The following SH3RF3 variants were observed in gnomAD, a reference collection of about 807,000 sequenced individuals.
SH3RF3 encodes E3 ubiquitin-protein ligase SH3RF3.
SH3RF3 carries 29 observed loss-of-function variants against 66.3 expected under a neutral mutation model. The observed-to-expected ratio is 0.44, with a 90% CI of 0.33 to 0.60. The LOEUF is 0.60. Ranked by LOEUF, SH3RF3 falls within the 20% of genes least tolerant of loss-of-function variation. SH3RF3 has a pLI of 0.04. For synonymous variants in SH3RF3, 583 were observed against 532.0 expected (o/e 1.10, Z -1.32); for missense variants, 1,194 against 1,190.9 (o/e 1.00, Z -0.04).
At chr2:109,281,470 A>C (rs1680891760) in intron 1 of SH3RF3, among the ~76,000 whole-genome samples, 1 of 152,164 alleles carries the variant, frequency 6.6e-6, no homozygotes, top group African/African-American at 2.4e-5. Context: ...CGTGTACTGG[A>C]GGCAGCTCTT....
At chr2:109,417,522 GCACAGGACCCTC>G (rs889573648) in intron 4 of SH3RF3, among the ~76,000 whole-genome samples, 2 of 152,280 alleles carry the variant, frequency 1.3e-5, no homozygotes, top group Middle Eastern at 3.4e-3. Flanking sequence ...CATGAGGCAG[GCACAGGACCCTC>G]CACAGGACCC....
At chr2:109,203,383 T>C (rs1239145546) in intron 1 of SH3RF3, among the ~76,000 whole-genome samples, 1 of 152,210 alleles carries the variant, frequency 6.6e-6, no homozygotes, top group Non-Finnish European at 1.5e-5. Context: ...CGGATGGCCT[T>C]GGGAGGGTGT....
intron 4 of SH3RF3, among the ~76,000 whole-genome samples, chr2:109,405,760 C>T (rs528024220): frequency 1.3e-5 from 2 of 152,360 alleles, no homozygotes; most frequent in East Asian, 3.9e-4. Flanking sequence ...TACAGGACTT[C>T]CAGTGTGCCC....
At chr2:109,492,004 C>G (rs1485863311) in intron 9 of SH3RF3, among the ~76,000 whole-genome samples, 2 of 152,098 alleles carry the variant, frequency 1.3e-5, no homozygotes, top group Non-Finnish European at 2.9e-5. Flanking sequence ...GTATAGTTTT[C>G]TAGCTTCACA....
At chr2:109,180,497 T>G (rs1286403243) in intron 1 of SH3RF3, among the ~76,000 whole-genome samples, 2 of 152,148 alleles carry the variant, frequency 1.3e-5, no homozygotes, top group Non-Finnish European at 2.9e-5. Flanking sequence ...CACCCAAATC[T>G]CATCTTGAAT....
intron 1 of SH3RF3, among the ~76,000 whole-genome samples, chr2:109,314,509 G>A (rs1294237895): frequency 1.3e-5 from 2 of 152,166 alleles, no homozygotes; most frequent in Non-Finnish European, 2.9e-5. Context: ...CCTCCGTGCA[G>A]GAATGAATTT....
intron 1 of SH3RF3, among the ~76,000 whole-genome samples, chr2:109,262,641 T>C (rs1680384058): frequency 6.6e-6 from 1 of 152,244 alleles, no homozygotes; most frequent in Non-Finnish European, 1.5e-5. Context: ...GATATTAACC[T>C]TATTTTGAAT....
At chr2:109,462,022 C>T (rs953758699) in intron 8 of SH3RF3, among the ~76,000 whole-genome samples, 2 of 152,022 alleles carry the variant, frequency 1.3e-5, no homozygotes, top group Non-Finnish European at 2.9e-5. Flanking sequence ...CCCACACCAC[C>T]AAACCCCTAG....
In SH3RF3 at chr2:109,314,603, A is replaced by C. The variant is rs532644769; in HGVS notation, c.574-33071A>C. On this transcript the variant is annotated intron_variant, in intron 1 of 9. Transcript: ENST00000309415. Reference sequence around the variant, plus strand: ...AAATAGTGTCTCCATCTTAATTTGCATGTGTCTGTCACTCTCCATGGTCTT... The same window carrying C: ...AAATAGTGTCTCCATCTTAATTTGCCTGTGTCTGTCACTCTCCATGGTCTT... Among the ~76,000 whole-genome samples, 4 of 152,304 alleles carry C rather than the reference A, an allele frequency of 2.6e-5. No individual in the cohort carries two copies. In the South Asian group the frequency reaches 8.3e-4, roughly 32 times the overall value.
chr2:109,133,399 T>A (rs1488404359), intron 1 of SH3RF3, among the ~76,000 whole-genome samples: 1 of 152,264 alleles, frequency 6.6e-6, no homozygotes, highest in Non-Finnish European at 1.5e-5. Flanking sequence ...TGGAGAATCA[T>A]AAAATTATAT....
At chr2:109,479,082 T>G (rs1253926158) in intron 8 of SH3RF3, among the ~76,000 whole-genome samples, 1 of 152,194 alleles carries the variant, frequency 6.6e-6, no homozygotes, top group Non-Finnish European at 1.5e-5. Context: ...TTGGCCGGGC[T>G]GCAGGTCAGA....
chr2:109,492,553 C>G (rs967519451), intron 9 of SH3RF3, among the ~76,000 whole-genome samples: 14 of 152,178 alleles, frequency 9.2e-5, no homozygotes, highest in Admixed American at 7.2e-4. Context: ...TTCTATGTTT[C>G]CCCAAGCGCT....
Position 109,376,658 on chromosome 2 carries a change from A to AC in SH3RF3, c.945+4983dup, listed in dbSNP as rs145785111. On this transcript the variant is annotated intron_variant, in intron 3 of 9. Coordinates refer to ENST00000309415, the MANE Select transcript of SH3RF3 (RefSeq NM_001099289.3). ...GATCTCAAGGAACCAACTGAAAAAG[A>AC]CCCCCCAGAGATAGTGCTTTACTTA... is the stretch of plus-strand genomic sequence containing the variant. Among the ~76,000 whole-genome samples the AC allele has an allele frequency of 6.3e-3, 960 of 152,088 alleles. 10 individuals carry two copies. Among genetic ancestry groups the AC allele is most frequent in the East Asian group, 0.047 (244 of 5,180 alleles).
At chr2:109,274,347 C>G (rs1047981065) in intron 1 of SH3RF3, among the ~76,000 whole-genome samples, 11 of 152,076 alleles carry the variant, frequency 7.2e-5, no homozygotes, top group Non-Finnish European at 1.5e-4. Flanking sequence ...TCATAGCAGC[C>G]CTATTTACAC....
intron 1 of SH3RF3, among the ~76,000 whole-genome samples, chr2:109,305,778 A>G (rs1044180589): frequency 6.6e-6 from 1 of 152,240 alleles, no homozygotes; most frequent in African/African-American, 2.4e-5. Flanking sequence ...GACAGATGCC[A>G]CAAAACTTGC....
intron 1 of SH3RF3, among the ~76,000 whole-genome samples, chr2:109,240,162 A>G (rs1418669432): frequency 2.0e-5 from 3 of 152,112 alleles, no homozygotes; most frequent in Non-Finnish European, 2.9e-5. Context: ...GGAACCATGG[A>G]TCACCCATTT....
At chr2:109,159,221 T>C (rs1201535978) in intron 1 of SH3RF3, among the ~76,000 whole-genome samples, 1 of 152,228 alleles carries the variant, frequency 6.6e-6, no homozygotes, top group Non-Finnish European at 1.5e-5. Context: ...TGCTTTGAGC[T>C]TCCCCTCCCT....
At chr2:109,385,039 C>G (rs1675789089) in intron 3 of SH3RF3, among the ~76,000 whole-genome samples, 1 of 152,248 alleles carries the variant, frequency 6.6e-6, no homozygotes, top group South Asian at 2.1e-4. Flanking sequence ...CATGCCTGGC[C>G]CTGATCGTTG....
chr2:109,426,407 T>C (rs1009148454), intron 5 of SH3RF3, among the ~76,000 whole-genome samples: 2 of 152,128 alleles, frequency 1.3e-5, no homozygotes, highest in Non-Finnish European at 2.9e-5. Context: ...ATGGATGACT[T>C]TGAGTGGTTG....
Sources: gnomAD v4.1 joint callset for allele counts (sites outside exome capture counted in the v4.1 genomes callset) on GRCh38, gnomAD v4.1.1 for gene constraint, MANE v1.5 for transcripts, NCBI Gene and HGNC (gene_info 2026-07-23, HGNC 2026-07-21) for gene names.